Variants in WWOX observed in about 807,000 individuals in gnomAD.
WWOX encodes WW domain-containing oxidoreductase.
WWOX carries 69 observed loss-of-function variants against 46.2 expected under a neutral mutation model. The observed-to-expected ratio is 1.49, with a 90% CI of 1.23 to 1.82. The LOEUF is 1.82. Ranked by LOEUF, WWOX falls within the 40% of genes most tolerant of loss-of-function variation. The pLI is 0.00. For missense variants in WWOX, 919 were observed against 542.6 expected, an observed-to-expected ratio of 1.69 and a Z score of -6.89; for synonymous variants, 359 against 202.6, an observed-to-expected ratio of 1.77 and a Z score of -6.56.
intron 8 of WWOX, among the ~76,000 whole-genome samples, chr16:79,054,580 G>T (rs962462300): frequency 1.4e-4 from 21 of 152,308 alleles, no homozygotes; most frequent in African/African-American, 4.8e-4. Flanking sequence ...TCCACACTTG[G>T]GGCGGTCAAG....
chr16:78,531,898 C>T (rs747958697), intron 8 of WWOX, among the ~76,000 whole-genome samples: 2 of 152,024 alleles, frequency 1.3e-5, no homozygotes, highest in Non-Finnish European at 2.9e-5. Context: ...TTGTTTAAAC[C>T]TGCCAACTAC....
At chr16:78,535,530 G>C (rs189483363) in intron 8 of WWOX, 5 of 152,194 alleles carry the variant, frequency 3.3e-5, no homozygotes, top group African/African-American at 1.2e-4. Context: ...GAAAGGGGAC[G>C]ACAGAAGAAC....
chr16:78,945,983 C>T lies in WWOX; in HGVS notation c.1057-265625C>T, dbSNP rs1455718104. Among the ~76,000 whole-genome samples, 4 of 152,136 alleles carry T rather than the reference C, an allele frequency of 2.6e-5. No homozygotes were observed. In the East Asian group the frequency reaches 5.8e-4, roughly 22 times the overall value. On this transcript the variant is annotated intron_variant, in intron 8 of 8. Coordinates refer to ENST00000566780, the MANE Select transcript of WWOX (RefSeq NM_016373.4). The stretch of plus-strand genomic sequence containing the variant: ...GGCTAATAATCACCTGTCCTGCCTT[C>T]CTCACAGGCTTGCCGGGCAACCCAA...
At chr16:79,175,172 C>G (rs1438841937) in intron 8 of WWOX, among the ~76,000 whole-genome samples, 6 of 152,210 alleles carry the variant, frequency 3.9e-5, no homozygotes, top group East Asian at 1.9e-4. Context: ...CTTAATGGCG[C>G]TAATTTTTAA....
At chr16:78,321,338 G>GTA (rs199807849) in intron 5 of WWOX, among the ~76,000 whole-genome samples, 1,019 of 51,430 alleles carry the variant, frequency 0.02, 71 homozygotes, top group Non-Finnish European at 0.026. Flanking sequence ...GTATATATGC[G>GTA]TATATATATA....
intron 8 of WWOX, among the ~76,000 whole-genome samples, chr16:78,715,682 G>C (rs1217549791): frequency 2.0e-5 from 3 of 152,036 alleles, no homozygotes; most frequent in African/African-American, 7.2e-5. Flanking sequence ...TCACTATGTT[G>C]GCCAGGCTGG....
intron 8 of WWOX, among the ~76,000 whole-genome samples, chr16:79,057,276 C>T (rs772513305): frequency 1.3e-5 from 2 of 152,184 alleles, no homozygotes; most frequent in African/African-American, 4.8e-5. Flanking sequence ...TTTATTCCAG[C>T]TGATTCTCCC....
intron 8 of WWOX, among the ~76,000 whole-genome samples, chr16:78,563,783 A>G (rs2044497222): frequency 6.6e-6 from 1 of 152,106 alleles, no homozygotes; most frequent in Admixed American, 6.5e-5. Flanking sequence ...TTGATTGTAA[A>G]AATGGCCACC....
At chr16:78,763,731 C>T (rs918089318) in intron 8 of WWOX, among the ~76,000 whole-genome samples, 1 of 152,180 alleles carries the variant, frequency 6.6e-6, no homozygotes, top group African/African-American at 2.4e-5. Context: ...AGTTTTGTCT[C>T]AATTCCTTTT....
At chr16:78,642,147 G>A (rs1418825561) in intron 8 of WWOX, among the ~76,000 whole-genome samples, 1 of 152,072 alleles carries the variant, frequency 6.6e-6, no homozygotes, top group Non-Finnish European at 1.5e-5. Flanking sequence ...GAAAATATAT[G>A]GCACTTTTAT....
intron 8 of WWOX, among the ~76,000 whole-genome samples, chr16:78,921,173 A>G (rs766186407): frequency 5.3e-5 from 8 of 152,134 alleles, no homozygotes; most frequent in African/African-American, 1.9e-4. Context: ...TTTTTTTTCA[A>G]ACACTGTAAT....
At chr16:78,578,620 C>T (rs1394745292) in intron 8 of WWOX, among the ~76,000 whole-genome samples, 2 of 152,046 alleles carry the variant, frequency 1.3e-5, no homozygotes, top group Admixed American at 6.5e-5. Context: ...AACATACACA[C>T]ACGCACACAC....
chr16:78,613,199 A>G (rs2045940748), intron 8 of WWOX, among the ~76,000 whole-genome samples: 1 of 152,130 alleles, frequency 6.6e-6, no homozygotes, highest in African/African-American at 2.4e-5. Flanking sequence ...CACCCCGATC[A>G]CATGAACGTC....
intron 5 of WWOX, among the ~76,000 whole-genome samples, chr16:78,219,089 T>C (rs1056946169): frequency 5.3e-5 from 8 of 152,150 alleles, no homozygotes; most frequent in Non-Finnish European, 8.8e-5. Context: ...TGAGGAAACA[T>C]TGAAACACAC....
At chr16:78,510,196 T>C (rs1195338030) in intron 8 of WWOX, among the ~76,000 whole-genome samples, 1 of 152,214 alleles carries the variant, frequency 6.6e-6, no homozygotes, top group South Asian at 2.1e-4. Context: ...TATGTCTGTC[T>C]TTATTGTTTC....
chr16:79,157,422 CAA>C (rs551488567), intron 8 of WWOX, among the ~76,000 whole-genome samples: 26 of 106,700 alleles, frequency 2.4e-4, no homozygotes, highest in East Asian at 2.6e-4. Context: ...ATACAATGGC[CAA>C]AAAAAAAAAA....
chr16:79,206,259 A>G (rs1490933423), intron 8 of WWOX: 1 of 152,276 alleles, frequency 6.6e-6, no homozygotes, highest in Non-Finnish European at 1.5e-5. Flanking sequence ...GCAGGCAGAG[A>G]GGCATAGGAA....
chr16:78,968,325 G>A (rs1406146967), intron 8 of WWOX, among the ~76,000 whole-genome samples: 2 of 152,166 alleles, frequency 1.3e-5, no homozygotes, highest in South Asian at 2.1e-4. Context: ...TGTCACCACC[G>A]ACCCGAGGCA....
chr16:78,404,595 A>C (rs951348119), intron 6 of WWOX, among the ~76,000 whole-genome samples: 3 of 152,100 alleles, frequency 2.0e-5, no homozygotes, highest in Admixed American at 1.3e-4. Context: ...TCATATCACA[A>C]CTAAATTTCT....
Sources: gnomAD v4.1 joint callset for allele counts (sites outside exome capture counted in the v4.1 genomes callset) on GRCh38, gnomAD v4.1.1 for gene constraint, MANE v1.5 for transcripts, NCBI Gene and HGNC (gene_info 2026-07-23, HGNC 2026-07-21) for gene names.